Variants in ERC2 observed in about 807,000 individuals in gnomAD.
ERC2 encodes ELKS/RAB6-interacting/CAST family member 2, also known as ERC protein 2.
A neutral mutation model predicts 114.8 loss-of-function variants in ERC2; 42 were observed. The observed-to-expected ratio is 0.37, with a 90% confidence interval of 0.29 to 0.47. The LOEUF is 0.47. ERC2 is among the 20% of genes least tolerant of loss of function. The pLI is 0.99. For synonymous variants in ERC2, 454 were observed against 425.5 expected, an observed-to-expected ratio of 1.07 and a Z score of -0.82; for missense variants, 939 against 1,150.7, an observed-to-expected ratio of 0.82 and a Z score of 2.66.
chr3:56,102,428 A>T (rs1008163693), intron 6 of ERC2, among the ~76,000 whole-genome samples: 1 of 152,164 alleles, frequency 6.6e-6, no homozygotes, highest in African/African-American at 2.4e-5. Flanking sequence ...AAAACCAAAA[A>T]CAAAGAACAC....
chr3:55,733,531 T>TCTCTCTC (rs1559567330), intron 15 of ERC2, among the ~76,000 whole-genome samples: 1 of 58,522 alleles, frequency 1.7e-5, no homozygotes, highest in African/African-American at 4.3e-5. Flanking sequence ...CTCTCATTCT[T>TCTCTCTC]TCTCTCTCTC....
At chr3:56,280,998 G>A (rs2054300704) in intron 3 of ERC2, among the ~76,000 whole-genome samples, 1 of 152,170 alleles carries the variant, frequency 6.6e-6, no homozygotes, top group African/African-American at 2.4e-5. Context: ...AGCTAAGTAA[G>A]AACAGCTTAT....
At chr3:56,413,009 C>A (rs2061001743) in intron 2 of ERC2, among the ~76,000 whole-genome samples, 1 of 152,170 alleles carries the variant, frequency 6.6e-6, no homozygotes, top group South Asian at 2.1e-4. Context: ...ATATCTATCA[C>A]CCTCAACTTA....
At chr3:56,098,967 G>A (rs760319690) in intron 6 of ERC2, among the ~76,000 whole-genome samples, 12 of 152,320 alleles carry the variant, frequency 7.9e-5, no homozygotes, top group Non-Finnish European at 1.3e-4. Context: ...ATGTGTCCAT[G>A]TTCCAGAACC....
At chr3:55,533,316 A>G (rs1330308187) in intron 17 of ERC2, among the ~76,000 whole-genome samples, 1 of 152,150 alleles carries the variant, frequency 6.6e-6, no homozygotes, top group Non-Finnish European at 1.5e-5. Flanking sequence ...ATGACTAACC[A>G]TTCTAACCAG....
chr3:55,802,669 T>C (rs1182060707), intron 14 of ERC2, among the ~76,000 whole-genome samples: 1 of 152,226 alleles, frequency 6.6e-6, no homozygotes, highest in African/African-American at 2.4e-5. Context: ...ATACTCAGTA[T>C]ATAAACACAC....
chr3:56,278,397 C>T (rs1220531288), intron 3 of ERC2, among the ~76,000 whole-genome samples: 1 of 152,118 alleles, frequency 6.6e-6, no homozygotes, highest in Non-Finnish European at 1.5e-5. Flanking sequence ...TTCAAGGGTG[C>T]CAAGATCATG....
intron 17 of ERC2, among the ~76,000 whole-genome samples, chr3:55,590,958 A>T (rs1189755136): frequency 1.3e-5 from 2 of 152,026 alleles, no homozygotes; most frequent in Non-Finnish European, 2.9e-5. Flanking sequence ...CTTCCTGAGT[A>T]GCTGGGATTA....
At chr3:56,065,270 C>G (rs1257660502) in intron 7 of ERC2, among the ~76,000 whole-genome samples, 1 of 152,050 alleles carries the variant, frequency 6.6e-6, no homozygotes, top group Non-Finnish European at 1.5e-5. Context: ...GTTGCCCAGG[C>G]TTCAGCGAGT....
At chr3:56,436,956 C>T (rs2062048365) in intron 1 of ERC2, among the ~76,000 whole-genome samples, 1 of 152,226 alleles carries the variant, frequency 6.6e-6, no homozygotes, top group Admixed American at 6.5e-5. Flanking sequence ...ATCATCTATA[C>T]ATCTGTTCCC....
intron 14 of ERC2, among the ~76,000 whole-genome samples, chr3:55,743,671 A>T (rs914578105): frequency 1.3e-5 from 2 of 151,780 alleles, no homozygotes; most frequent in East Asian, 3.9e-4. Flanking sequence ...ATGATTTTTT[A>T]AAAAACATAC....
chr3:55,810,501 T>C (rs1458762168), intron 14 of ERC2, among the ~76,000 whole-genome samples: 1 of 151,356 alleles, frequency 6.6e-6, no homozygotes, highest in Non-Finnish European at 1.5e-5. Flanking sequence ...TTTGGTCTTG[T>C]TGCCCAGCCG....
Position 56,146,753 on chromosome 3 carries a change from C to T in ERC2, c.1305+2224G>A, listed in dbSNP as rs554643055. On this transcript the variant is annotated intron_variant, in intron 5 of 17. Transcript: ENST00000288221. ...CTTTGGTCACTCCTCAAGTCACTCC[C>T]TATACAGCTGGCAAAGGCAGGCTGG... 6.6e-5 allele frequency among the ~76,000 whole-genome samples: 10 copies of T among 152,302 alleles called. No individual in the cohort carries two copies. The South Asian group carries it at 1.7e-3, about 25-fold the overall frequency.
intron 10 of ERC2, among the ~76,000 whole-genome samples, chr3:56,005,003 G>T (rs538588246): frequency 4.0e-4 from 60 of 151,580 alleles, no homozygotes; most frequent in African/African-American, 1.4e-3. Context: ...AGGTTTTTAC[G>T]GAACTATTTA....
chr3:56,350,141 G>T (rs60137432), intron 2 of ERC2, among the ~76,000 whole-genome samples: 3,005 of 152,252 alleles, frequency 0.02, 103 homozygotes, highest in African/African-American at 0.066. Flanking sequence ...CTAGAATTTG[G>T]GGGACAGGAG....
intron 13 of ERC2, among the ~76,000 whole-genome samples, chr3:55,895,296 G>A (rs2063790103): frequency 6.6e-6 from 1 of 152,186 alleles, no homozygotes; most frequent in South Asian, 2.1e-4. Flanking sequence ...GCGGGAGCCA[G>A]GCATCTGTAT....
At chr3:56,109,463 A>T (rs2078846694) in intron 6 of ERC2, among the ~76,000 whole-genome samples, 1 of 152,170 alleles carries the variant, frequency 6.6e-6, no homozygotes. Context: ...TGCTATTGTG[A>T]ATAGTGCTGC....
At chr3:56,319,529 T>C (rs930827254) in intron 2 of ERC2, among the ~76,000 whole-genome samples, 1 of 152,168 alleles carries the variant, frequency 6.6e-6, no homozygotes, top group African/African-American at 2.4e-5. Flanking sequence ...TTAAGCAAGA[T>C]GGGTAAATTC....
Position 56,368,773 on chromosome 3 carries a change from G to A in ERC2, c.657+65578C>T, listed in dbSNP as rs1000698196. On this transcript the variant is annotated intron_variant, in intron 2 of 17. Transcript: ENST00000288221. ...GTTAAGGCCCCCTTCCCACAACATC[G>A]TCCTAAATAGCATCTTTATAATCTT... 1.1e-4 allele frequency among the ~76,000 whole-genome samples: 16 copies of A among 150,954 alleles called. No individual in the cohort carries two copies. The South Asian group carries it at 1.7e-3, about 16-fold the overall frequency.
Sources: allele counts gnomAD v4.1 joint callset (sites outside exome capture counted in the v4.1 genomes callset), GRCh38; gene constraint gnomAD v4.1.1; transcripts MANE v1.5; gene names NCBI Gene and HGNC (gene_info 2026-07-23, HGNC 2026-07-21).